SERPINF1: variants seen among roughly 807,000 people sequenced by gnomAD.
The protein encoded by SERPINF1 is pigment epithelium-derived factor.
Under a neutral mutation model 37.3 loss-of-function variants are expected in SERPINF1, and 29 were observed. That is an observed-to-expected ratio of 0.78 (90% CI 0.58 to 1.06). The LOEUF (loss-of-function observed/expected upper bound fraction) is 1.06. Ranked by LOEUF, SERPINF1 falls within the 50% of genes least tolerant of loss-of-function variation. The probability of loss-of-function intolerance (pLI) is 0.00; values close to 1 mark genes in which losing one functional copy is unlikely to be tolerated. For missense variants in SERPINF1, 553 were observed against 532.2 expected (o/e 1.04, Z -0.38); for synonymous variants, 281 against 227.9 (o/e 1.23, Z -2.10).
intron 1 of SERPINF1, 154 bp from the exon 2 acceptor site, chr17:1,766,749 G>A: frequency 1.5e-6 from 1 of 669,358 alleles, no homozygotes; most frequent in Admixed American, 2.3e-5. Flanking sequence ...CACTTCTGGG[G>A]GCCTGGAGGG....
chr17:1,763,048 G>A (rs1055115083), intron 1 of SERPINF1, among the ~76,000 whole-genome samples: 5 of 152,184 alleles, frequency 3.3e-5, no homozygotes, highest in African/African-American at 4.8e-5. Flanking sequence ...GCAACTCCAC[G>A]GCACCCTGGG....
intron 2 of SERPINF1, 78 bp from the exon 3 acceptor site, chr17:1,769,774 C>T: frequency 6.6e-7 from 1 of 1,523,936 alleles, no homozygotes; most frequent in African/African-American, 1.4e-5. Flanking sequence ...CCACCCTACA[C>T]AAAGCCGTGA....
At chr17:1,767,779 C>T (rs1318862837) in intron 2 of SERPINF1, among the ~76,000 whole-genome samples, 1 of 152,242 alleles carries the variant, frequency 6.6e-6, no homozygotes, top group Non-Finnish European at 1.5e-5. Context: ...CTAGACAACC[C>T]TTACCTCAGT....
intron 7 of SERPINF1, 114 bp downstream of exon 7, chr17:1,776,856 T>C: frequency 2.1e-6 from 2 of 968,274 alleles, no homozygotes; most frequent in Middle Eastern, 2.9e-4. Context: ...AGGGGGGCCG[T>C]GGATGAGTCC....
At chr17:1,767,183 G>A (rs976105563) in intron 2 of SERPINF1, among the ~76,000 whole-genome samples, 189 bp downstream of exon 2, 2 of 152,206 alleles carry the variant, frequency 1.3e-5, no homozygotes, top group Non-Finnish European at 2.9e-5. Context: ...AGGGGATGGA[G>A]TAGGGACATG....
In SERPINF1 at chr17:1,777,341, C is replaced by T. The variant is rs2151213537; in HGVS notation, c.1152C>T (p.Phe384=). ...GGCTGCAGCCTGCCCACCTCACCTT[C>T]CCGCTGGACTATCACCTTAACCAGC... The part of the protein sequence containing the change: ...SPGLQPAHLT[F]PLDYHLNQPF... The change falls in exon 8 of 8, where the codon TTC becomes TTT. Residue 384 remains phenylalanine, a synonymous_variant. Coordinates refer to ENST00000254722, the MANE Select transcript of SERPINF1 (RefSeq NM_002615.7). The T allele has an allele frequency of 3.7e-6, 6 of 1,614,144 alleles. No individual in the cohort carries two copies. The highest frequency in any genetic ancestry group is 5.1e-6 in the Non-Finnish European group (6 of 1,180,026).
At chr17:1,765,273 G>T (rs1907307518) in intron 1 of SERPINF1, among the ~76,000 whole-genome samples, 1 of 151,362 alleles carries the variant, frequency 6.6e-6, no homozygotes, top group African/African-American at 2.4e-5. Flanking sequence ...CCTCCAAGTA[G>T]CTGGGACTAC....
At chr17:1,773,315 C>G (rs1215678029) in intron 5 of SERPINF1, among the ~76,000 whole-genome samples, 4 of 152,146 alleles carry the variant, frequency 2.6e-5, no homozygotes, top group Non-Finnish European at 5.9e-5. Context: ...GCCATCTTGG[C>G]TCACTACAGC....
chr17:1,767,943 C>G (rs1019172048), intron 2 of SERPINF1, among the ~76,000 whole-genome samples: 7 of 152,170 alleles, frequency 4.6e-5, no homozygotes, highest in African/African-American at 1.4e-4. Context: ...GTGGCTCACA[C>G]CTGTAATCCC....
intron 4 of SERPINF1, 72 bp from the exon 5 acceptor site, chr17:1,771,800 C>G: frequency 6.7e-7 from 1 of 1,485,460 alleles, no homozygotes; most frequent in Non-Finnish European, 9.3e-7. Context: ...GAACCCGAGC[C>G]TGGCAGGCTC....
intron 5 of SERPINF1, among the ~76,000 whole-genome samples, chr17:1,774,157 C>T (rs1053280141): frequency 6.6e-6 from 1 of 152,174 alleles, no homozygotes; most frequent in Non-Finnish European, 1.5e-5. Context: ...TTGACTGTCT[C>T]CCAGAGACAC....
In SERPINF1 at chr17:1,770,052, T is replaced by TG. The variant is rs1555571967; in HGVS notation, c.283+3dup. ...CGGCCCTCTCGGCCCTCTCGCTGGGTGAGTGCTCAGATGCAGGAAGCCCCA... is the reference window on the plus strand; with the variant it reads ...CGGCCCTCTCGGCCCTCTCGCTGGGTGGAGTGCTCAGATGCAGGAAGCCCCA... On this transcript the variant is annotated splice_region_variant and intron_variant, in intron 3 of 7. Transcript: ENST00000254722. 1 of 1,613,982 alleles carries TG rather than the reference T, an allele frequency of 6.2e-7. No individual in the cohort carries two copies. Among genetic ancestry groups the TG allele is most frequent in the Admixed American group, 1.7e-5 (1 of 60,008 alleles).
intron 1 of SERPINF1, among the ~76,000 whole-genome samples, chr17:1,763,410 T>C (rs1479151927): frequency 6.6e-6 from 1 of 152,188 alleles, no homozygotes; most frequent in Non-Finnish European, 1.5e-5. Flanking sequence ...AGGGAGGGTA[T>C]CTACCTCTCC....
chr17:1,765,484 G>A (rs1285821725), intron 1 of SERPINF1, among the ~76,000 whole-genome samples: 1 of 151,594 alleles, frequency 6.6e-6, no homozygotes, highest in African/African-American at 2.4e-5. Context: ...ACCACGCCTG[G>A]CTACTTTTTG....
At chr17:1,763,152 A>G (rs2151203022) in intron 1 of SERPINF1, among the ~76,000 whole-genome samples, 1 of 152,228 alleles carries the variant, frequency 6.6e-6, no homozygotes, top group African/African-American at 2.4e-5. Context: ...CCCTCCGGAG[A>G]GCCAGGGGAG....
At chr17:1,772,362 C>T (rs921358537) in intron 5 of SERPINF1, among the ~76,000 whole-genome samples, 9 of 151,910 alleles carry the variant, frequency 5.9e-5, no homozygotes, top group Non-Finnish European at 1.3e-4. Flanking sequence ...GTGGTCTGCC[C>T]GCCTCAGCCT....
rs200351348 is a variant in SERPINF1, at chr17:1,776,772, G to C, written c.997+30G>C. 25 of 1,603,272 alleles carry C rather than the reference G, an allele frequency of 1.6e-5. No homozygotes were observed. In the African/African-American group the frequency reaches 1.9e-4, roughly 12 times the overall value. On this transcript the variant is annotated intron_variant, in intron 7 of 7. Transcript: ENST00000254722. ...GTCTGAAGACCCTTTCGCTCTTGGTGGGTGGATGGGGTGGGGCAGGGTCTT... is the reference window on the plus strand; with the variant it reads ...GTCTGAAGACCCTTTCGCTCTTGGTCGGTGGATGGGGTGGGGCAGGGTCTT...
intron 6 of SERPINF1, among the ~76,000 whole-genome samples, chr17:1,775,547 CTTTTT>C (rs148801713): frequency 2.1e-5 from 3 of 142,976 alleles, no homozygotes; most frequent in African/African-American, 7.8e-5. Flanking sequence ...TCGTTGGCAT[CTTTTT>C]TTTTTTTTTT....
intron 3 of SERPINF1, 44 bp from the exon 4 acceptor site, chr17:1,770,985 C>A: frequency 1.9e-6 from 3 of 1,612,722 alleles, no homozygotes; most frequent in Non-Finnish European, 1.7e-6. Flanking sequence ...TGATTTGGGG[C>A]CCTGGTGTGC....
Sources: gnomAD v4.1 joint callset for allele counts (sites outside exome capture counted in the v4.1 genomes callset) on GRCh38, gnomAD v4.1.1 for gene constraint, MANE v1.5 for transcripts, NCBI Gene and HGNC (gene_info 2026-07-23, HGNC 2026-07-21) for gene names.